CUX2: variants seen among roughly 807,000 people sequenced by gnomAD.
The protein encoded by CUX2 is cut like homeobox 2, also known as homeobox protein cut-like 2.
Under a neutral mutation model 144.8 loss-of-function variants are expected in CUX2, and 40 were observed. The ratio of observed to expected loss-of-function variants is 0.28; its 90% CI spans 0.21 to 0.36. The LOEUF (loss-of-function observed/expected upper bound fraction) is 0.36. Among genes scored for constraint, CUX2 ranks in the 10% least tolerant of loss-of-function variants. The pLI is 1.00. For missense variants in CUX2, 1,615 were observed against 1,994.0 expected (o/e 0.81, Z 3.62); for synonymous variants, 827 against 875.6 (o/e 0.94, Z 0.98).
At chr12:111,167,698 GTTTGTTTC>G (rs1211867879) in intron 1 of CUX2, among the ~76,000 whole-genome samples, 1 of 138,650 alleles carries the variant, frequency 7.2e-6, no homozygotes, top group East Asian at 2.0e-4. Context: ...TTGTTTGTTT[GTTTGTTTC>G]TTTTTTGAGA....
At chr12:111,232,214 T>A (rs201753861) in intron 3 of CUX2, among the ~76,000 whole-genome samples, 1,545 of 73,878 alleles carry the variant, frequency 0.021, 7 homozygotes, top group East Asian at 0.062. Context: ...GAAAAAAAAA[T>A]ATATATATAT....
intron 1 of CUX2, among the ~76,000 whole-genome samples, chr12:111,104,107 T>C (rs1873440349): frequency 6.6e-6 from 1 of 152,332 alleles, no homozygotes; most frequent in African/African-American, 2.4e-5. Flanking sequence ...AAGCCTCCTC[T>C]CTTTCTGTCT....
At chr12:111,318,238 C>CTTTTTTTTTTT (rs955839240) in intron 16 of CUX2, among the ~76,000 whole-genome samples, 7 of 109,638 alleles carry the variant, frequency 6.4e-5, no homozygotes, top group African/African-American at 1.4e-4. Flanking sequence ...ATTTTTTTTT[C>CTTTTTTTTTTT]TTTTTTCTTT....
At chr12:111,273,422 G>A (rs1275695091) in intron 4 of CUX2, among the ~76,000 whole-genome samples, 1 of 152,128 alleles carries the variant, frequency 6.6e-6, no homozygotes, top group African/African-American at 2.4e-5. Flanking sequence ...GAGAAGTGAC[G>A]GAGCCTGAAT....
At chr12:111,301,141 G>A (rs1390990273) in intron 9 of CUX2, among the ~76,000 whole-genome samples, 3 of 151,968 alleles carry the variant, frequency 2.0e-5, no homozygotes, top group East Asian at 1.9e-4. Context: ...TTATGGAGAC[G>A]TATAGAGAAG....
chr12:111,298,732 CAGG>C, intron 9 of CUX2, 143 bp downstream of exon 9: 1 of 954,212 alleles, frequency 1.0e-6, no homozygotes, highest in Non-Finnish European at 1.6e-6. Flanking sequence ...GTGAGGGAGC[CAGG>C]AGGAGTCTGG....
chr12:111,149,806 G>A (rs1285998888), intron 1 of CUX2, among the ~76,000 whole-genome samples: 4 of 152,048 alleles, frequency 2.6e-5, no homozygotes, highest in African/African-American at 4.8e-5. Flanking sequence ...CCCTTAAAAC[G>A]CCAAGACATT....
intron 1 of CUX2, among the ~76,000 whole-genome samples, chr12:111,136,235 G>A (rs937453488): frequency 2.0e-5 from 3 of 152,006 alleles, no homozygotes; most frequent in Non-Finnish European, 2.9e-5. Flanking sequence ...GAGAAGTGAC[G>A]CGATTCTCGG....
intron 1 of CUX2, among the ~76,000 whole-genome samples, chr12:111,176,960 A>T (rs567493732): frequency 7.2e-5 from 11 of 152,286 alleles, no homozygotes; most frequent in Non-Finnish European, 1.5e-4. Flanking sequence ...GATGTTTAGC[A>T]ACATCTCCAG....
At chr12:111,205,405 A>G (rs1467524473) in intron 1 of CUX2, among the ~76,000 whole-genome samples, 1 of 151,884 alleles carries the variant, frequency 6.6e-6, no homozygotes, top group East Asian at 1.9e-4. Context: ...TGCTCCCACA[A>G]AGTTGTCCCT....
intron 18 of CUX2, among the ~76,000 whole-genome samples, chr12:111,328,941 A>ATCTCTCCCTCTCTCTCTCTCTCTCTC (rs1887949182): frequency 1.4e-4 from 4 of 28,992 alleles, no homozygotes; most frequent in African/African-American, 1.1e-3. Context: ...TGATTCACCT[A>ATCTCTCCCTCTCTCTCTCTCTCTCTC]TCTCTCTCTC....
intron 1 of CUX2, among the ~76,000 whole-genome samples, chr12:111,192,066 C>T (rs1015450736): frequency 1.3e-5 from 2 of 152,186 alleles, no homozygotes; most frequent in African/African-American, 4.8e-5. Context: ...GAGGCCCACG[C>T]ATGCAAAGCC....
At chr12:111,173,137 C>G (rs534694644) in intron 1 of CUX2, among the ~76,000 whole-genome samples, 1 of 152,290 alleles carries the variant, frequency 6.6e-6, no homozygotes, top group East Asian at 1.9e-4. Flanking sequence ...GTTTGTTGTT[C>G]TTCTTGAGGG....
chr12:111,103,958 C>T (rs1054807748), intron 1 of CUX2, among the ~76,000 whole-genome samples: 1 of 152,216 alleles, frequency 6.6e-6, no homozygotes, highest in East Asian at 1.9e-4. Context: ...TAGCAAATGT[C>T]CTGGGATTCC....
rs140836763 is a variant in CUX2, at chr12:111,326,632, C to T, written c.2926+4052C>T. Among the ~76,000 whole-genome samples, 1,056 of 152,044 alleles carry T rather than the reference C, an allele frequency of 6.9e-3. 21 individuals carry two copies. In the East Asian group the frequency reaches 0.073, roughly 10 times the overall value. On this transcript the variant is annotated intron_variant, in intron 18 of 21. Coordinates refer to ENST00000261726, the MANE Select transcript of CUX2 (RefSeq NM_015267.4). ...TAAAATTCACATAACAGCTGGGCAC[C>T]GTGGCTCACACCTGTAATCCCAGCA...
chr12:111,259,065 G>C (rs1334242017), intron 3 of CUX2, among the ~76,000 whole-genome samples: 1 of 146,100 alleles, frequency 6.8e-6, no homozygotes, highest in Non-Finnish European at 1.5e-5. Flanking sequence ...GTGTGTGTGT[G>C]TGTGTGTTTG....
rs1311655647 is a variant in CUX2 at position 111,055,920 on chromosome 12, C to A, written c.63+21680C>A. Among the ~76,000 whole-genome samples, 3 of 152,340 alleles carry A rather than the reference C, an allele frequency of 2.0e-5. No individual in the cohort carries two copies. In the South Asian group the frequency reaches 6.2e-4, roughly 32 times the overall value. ...TCGGGCTGATCGCAGCCTAGCTCTGCCGTGAAGCAGCCATGGTCCTGAGCA... is the reference window on the plus strand; with the variant it reads ...TCGGGCTGATCGCAGCCTAGCTCTGACGTGAAGCAGCCATGGTCCTGAGCA... On this transcript the variant is annotated intron_variant, in intron 1 of 21. Transcript: ENST00000261726.
intron 1 of CUX2, among the ~76,000 whole-genome samples, chr12:111,126,065 A>G (rs1875054569): frequency 6.6e-6 from 1 of 150,682 alleles, no homozygotes; most frequent in African/African-American, 2.5e-5. Context: ...GATTTATTAT[A>G]AGGAATTGGC....
At chr12:111,126,376 T>G (rs1287017902) in intron 1 of CUX2, among the ~76,000 whole-genome samples, 1 of 152,092 alleles carries the variant, frequency 6.6e-6, no homozygotes, top group Non-Finnish European at 1.5e-5. Context: ...CCTCCCAAAG[T>G]GCTGGGATTA....
Sources: allele counts gnomAD v4.1 joint callset (sites outside exome capture counted in the v4.1 genomes callset), GRCh38; gene constraint gnomAD v4.1.1; transcripts MANE v1.5; gene names NCBI Gene and HGNC (gene_info 2026-07-23, HGNC 2026-07-21).